Variants in MAST4 observed in about 807,000 individuals in gnomAD.
MAST4 encodes microtubule associated serine/threonine kinase family member 4.
MAST4 carries 89 observed loss-of-function variants against 162.7 expected under a neutral mutation model. The ratio of observed to expected loss-of-function variants is 0.55; its 90% CI spans 0.46 to 0.65. MAST4 has a LOEUF of 0.65. Among genes scored for constraint, MAST4 ranks in the 30% least tolerant of loss-of-function variants. The pLI, the probability that MAST4 is intolerant of heterozygous loss-of-function variation, is 0.00. For missense variants in MAST4, 3,153 were observed against 3,374.0 expected (o/e 0.93, Z 1.62); for synonymous variants, 1,479 against 1,361.1 (o/e 1.09, Z -1.91).
At chr5:66,658,114 A>C (rs1055417744) in intron 1 of MAST4, among the ~76,000 whole-genome samples, 2 of 152,236 alleles carry the variant, frequency 1.3e-5, no homozygotes, top group African/African-American at 2.4e-5. Flanking sequence ...GGTCATGCTG[A>C]AGAGAAGCAT....
chr5:66,861,489 G>A (rs1760115080), intron 3 of MAST4, among the ~76,000 whole-genome samples: 1 of 152,214 alleles, frequency 6.6e-6, no homozygotes, highest in East Asian at 1.9e-4. Context: ...TAGGCATGTA[G>A]AGCCAGAATA....
At chr5:66,904,547 T>C (rs1326013382) in intron 4 of MAST4, among the ~76,000 whole-genome samples, 1 of 152,216 alleles carries the variant, frequency 6.6e-6, no homozygotes, top group Non-Finnish European at 1.5e-5. Context: ...TGGTGCATTG[T>C]TTCATGGCCT....
chr5:66,820,698 G>C (rs1378215678), intron 3 of MAST4, among the ~76,000 whole-genome samples: 2 of 152,056 alleles, frequency 1.3e-5, no homozygotes, highest in African/African-American at 4.8e-5. Context: ...TTGATGTTAG[G>C]GCATTTATGA....
intron 1 of MAST4, among the ~76,000 whole-genome samples, chr5:66,614,799 T>C (rs1346710067): frequency 6.6e-6 from 1 of 152,164 alleles, no homozygotes; most frequent in African/African-American, 2.4e-5. Flanking sequence ...ACGGGACACA[T>C]GCAGGGAGAG....
intron 3 of MAST4, among the ~76,000 whole-genome samples, chr5:66,789,493 A>G (rs1755284024): frequency 6.6e-6 from 1 of 152,112 alleles, no homozygotes; most frequent in South Asian, 2.1e-4. Flanking sequence ...GTCTTTTATG[A>G]CATTTGACAT....
intron 1 of MAST4, among the ~76,000 whole-genome samples, chr5:66,667,539 A>G (rs1406761728): frequency 1.3e-5 from 2 of 152,208 alleles, no homozygotes; most frequent in Admixed American, 1.3e-4. Flanking sequence ...TGCTGCTGGC[A>G]GAATTATTGA....
At chr5:66,776,761 C>T (rs1022492542) in intron 2 of MAST4, among the ~76,000 whole-genome samples, 8 of 152,134 alleles carry the variant, frequency 5.3e-5, no homozygotes, top group Middle Eastern at 3.2e-3. Context: ...CTAGGTGTGA[C>T]GTGGGGCTAC....
intron 4 of MAST4, among the ~76,000 whole-genome samples, chr5:67,024,916 G>C (rs990004770): frequency 1.3e-5 from 2 of 151,812 alleles, no homozygotes; most frequent in Admixed American, 6.6e-5. Flanking sequence ...CAGAGATCTT[G>C]TTTTATATAA....
intron 3 of MAST4, among the ~76,000 whole-genome samples, chr5:66,841,093 C>T (rs1196960400): frequency 6.6e-6 from 1 of 152,086 alleles, no homozygotes; most frequent in African/African-American, 2.4e-5. Flanking sequence ...ATATTACTTA[C>T]CTCCCAGGAA....
intron 3 of MAST4, among the ~76,000 whole-genome samples, chr5:66,809,927 G>A (rs1012754501): frequency 6.6e-6 from 1 of 152,020 alleles, no homozygotes; most frequent in Non-Finnish European, 1.5e-5. Context: ...GTAGAGATGG[G>A]GTATACACAG....
At chr5:66,621,660 A>G (rs1045693394) in intron 1 of MAST4, among the ~76,000 whole-genome samples, 1 of 152,212 alleles carries the variant, frequency 6.6e-6, no homozygotes, top group East Asian at 1.9e-4. Context: ...AGTCAACCAT[A>G]CCAATTTATT....
At chr5:66,986,041 C>A (rs941217265) in intron 4 of MAST4, among the ~76,000 whole-genome samples, 1 of 152,182 alleles carries the variant, frequency 6.6e-6, no homozygotes, top group Non-Finnish European at 1.5e-5. Flanking sequence ...GACCCATGAC[C>A]TTCCCTCAAG....
At chr5:67,062,704 T>C (rs1039328579) in intron 5 of MAST4, among the ~76,000 whole-genome samples, 4 of 152,214 alleles carry the variant, frequency 2.6e-5, no homozygotes, top group Admixed American at 2.6e-4. Context: ...TTAGCCTTAA[T>C]AGGAATTAAG....
At chr5:66,744,698 AACTC>A (rs1306957404) in intron 1 of MAST4, among the ~76,000 whole-genome samples, 1 of 152,140 alleles carries the variant, frequency 6.6e-6, no homozygotes, top group Non-Finnish European at 1.5e-5. Context: ...ATCTCAGGAT[AACTC>A]ACTCACTGTC....
intron 1 of MAST4, among the ~76,000 whole-genome samples, chr5:66,600,026 C>T (rs1403451688): frequency 6.6e-6 from 1 of 152,076 alleles, no homozygotes; most frequent in Non-Finnish European, 1.5e-5. Context: ...TCTTTGGCAA[C>T]CTTGTTAAAA....
chr5:66,864,650 C>CT (rs201090300), intron 3 of MAST4, among the ~76,000 whole-genome samples: 8 of 151,310 alleles, frequency 5.3e-5, no homozygotes, highest in Non-Finnish European at 8.8e-5. Context: ...TATGTCCCCC[C>CT]CCGAAAATAC....
intron 4 of MAST4, among the ~76,000 whole-genome samples, chr5:67,013,892 A>G (rs1040980956): frequency 1.3e-5 from 2 of 152,320 alleles, no homozygotes; most frequent in African/African-American, 4.8e-5. Context: ...GTAAAACAAT[A>G]GGCATTAAGT....
chr5:66,866,030 G>A (rs1343756871), intron 3 of MAST4, among the ~76,000 whole-genome samples: 5 of 138,090 alleles, frequency 3.6e-5, no homozygotes, highest in Non-Finnish European at 7.5e-5. Flanking sequence ...AGCCTAGATC[G>A]CACCACCACA....
chr5:66,847,820 CAAAAAAAA>C (rs777825639), intron 3 of MAST4, among the ~76,000 whole-genome samples: 2 of 54,146 alleles, frequency 3.7e-5, no homozygotes, highest in Non-Finnish European at 6.1e-5. Context: ...GACTCCTTCT[CAAAAAAAA>C]AAAAAAAAAA....
Sources: allele counts gnomAD v4.1 joint callset (sites outside exome capture counted in the v4.1 genomes callset), GRCh38; gene constraint gnomAD v4.1.1; transcripts MANE v1.5; gene names NCBI Gene and HGNC (gene_info 2026-07-23, HGNC 2026-07-21).